OSBPL10: variants seen among roughly 807,000 people sequenced by gnomAD.
The protein encoded by OSBPL10 is oxysterol-binding protein-related protein 10.
In OSBPL10, 49 loss-of-function variants were observed where a neutral mutation model predicts 81.7. The ratio of observed to expected loss-of-function variants is 0.60; its 90% confidence interval spans 0.48 to 0.76. The LOEUF is 0.76. Among genes scored for constraint, OSBPL10 ranks in the 30% least tolerant of loss-of-function variants. OSBPL10 has a pLI of 0.00. For synonymous variants in OSBPL10, 419 were observed against 383.6 expected (o/e 1.09, Z -1.08); for missense variants, 923 against 987.8 (o/e 0.93, Z 0.88).
chr3:31,980,406 T>A (rs1206295916), intron 1 of OSBPL10, among the ~76,000 whole-genome samples: 2 of 152,158 alleles, frequency 1.3e-5, no homozygotes, highest in Non-Finnish European at 2.9e-5. Flanking sequence ...GTGGCAGGTT[T>A]TTTGTTGATG....
chr3:31,839,135 C>T (rs1700433678), intron 3 of OSBPL10, among the ~76,000 whole-genome samples: 2 of 152,146 alleles, frequency 1.3e-5, no homozygotes, highest in African/African-American at 2.4e-5. Flanking sequence ...TTTTTATCAC[C>T]GGTTAAACCA....
chr3:31,762,629 C>CTTTTTTTTTTTTTTTT (rs1491572896), intron 4 of OSBPL10, among the ~76,000 whole-genome samples: 12 of 17,214 alleles, frequency 7.0e-4, no homozygotes, highest in African/African-American at 2.9e-3. Context: ...CCATGCCCAG[C>CTTTTTTTTTTTTTTTT]ATTTTTTTTT....
In OSBPL10 at chr3:31,895,280, C is replaced by A. The variant is rs1474587366; in HGVS notation, c.282-15450G>T. Among the ~76,000 whole-genome samples, 6 of 151,436 alleles carry A rather than the reference C, an allele frequency of 4.0e-5. No homozygotes were observed. In the East Asian group the frequency reaches 5.8e-4, roughly 15 times the overall value. On this transcript the variant is annotated intron_variant, in intron 1 of 11. Coordinates refer to ENST00000396556, the MANE Select transcript of OSBPL10 (RefSeq NM_017784.5). ...CCGAGTAGCTGGGATTACAGGCACC[C>A]GTCACCACGCCCGGCTAATTTTTTT...
intron 1 of OSBPL10, among the ~76,000 whole-genome samples, chr3:31,918,190 AC>A (rs1696810690): frequency 6.6e-6 from 1 of 152,232 alleles, no homozygotes; most frequent in Non-Finnish European, 1.5e-5. Flanking sequence ...AATTCACTTA[AC>A]CTTTATGCCA....
intron 4 of OSBPL10, among the ~76,000 whole-genome samples, chr3:31,797,378 T>C (rs1699255764): frequency 1.3e-5 from 2 of 152,188 alleles, no homozygotes; most frequent in Admixed American, 6.5e-5. Context: ...AAAGGTAAGA[T>C]ACTAAACTAA....
At chr3:31,963,597 T>G (rs1698230513) in intron 1 of OSBPL10, among the ~76,000 whole-genome samples, 1 of 152,110 alleles carries the variant, frequency 6.6e-6, no homozygotes, top group Non-Finnish European at 1.5e-5. Flanking sequence ...GGCGCCTGGC[T>G]TGCTCCCTTG....
At chr3:32,075,967 A>G (rs1465760519) in intron 1 of OSBPL10, among the ~76,000 whole-genome samples, 1 of 152,128 alleles carries the variant, frequency 6.6e-6, no homozygotes, top group Non-Finnish European at 1.5e-5. Flanking sequence ...CCCACCCTTA[A>G]GAAGTTTCTT....
chr3:31,750,923 A>C (rs1697696162), intron 4 of OSBPL10, among the ~76,000 whole-genome samples: 1 of 152,208 alleles, frequency 6.6e-6, no homozygotes, highest in South Asian at 2.1e-4. Context: ...ATCTTAGATA[A>C]TAAAAACACG....
chr3:31,775,643 G>A (rs905264798), intron 4 of OSBPL10, among the ~76,000 whole-genome samples: 11 of 152,244 alleles, frequency 7.2e-5, no homozygotes, highest in Non-Finnish European at 1.2e-4. Flanking sequence ...GAGTGATGGT[G>A]ACTCACAAAC....
At chr3:31,789,103 T>TA (rs1559465681) in intron 4 of OSBPL10, among the ~76,000 whole-genome samples, 1 of 152,102 alleles carries the variant, frequency 6.6e-6, no homozygotes, top group African/African-American at 2.4e-5. Context: ...CTCAACCTCC[T>TA]AAGTCACAGC....
intron 1 of OSBPL10, among the ~76,000 whole-genome samples, chr3:32,072,656 T>C (rs1484087399): frequency 1.3e-5 from 2 of 151,990 alleles, no homozygotes; most frequent in African/African-American, 2.4e-5. Context: ...ATTCTACTAA[T>C]CCTCAGGGAT....
chr3:31,929,091 C>T (rs1243489930), intron 1 of OSBPL10, among the ~76,000 whole-genome samples: 1 of 152,152 alleles, frequency 6.6e-6, no homozygotes, highest in East Asian at 1.9e-4. Flanking sequence ...GATGGTAGGT[C>T]ATACATCATT....
chr3:32,013,387 T>C (rs965032118), intron 2 of OSBPL10, among the ~76,000 whole-genome samples: 28 of 152,180 alleles, frequency 1.8e-4, no homozygotes, highest in Admixed American at 5.9e-4. Flanking sequence ...AGATGTTCTT[T>C]GAAACCAACG....
At chr3:31,690,455 G>A (rs1695500042) in intron 7 of OSBPL10, among the ~76,000 whole-genome samples, 1 of 152,108 alleles carries the variant, frequency 6.6e-6, no homozygotes, top group Non-Finnish European at 1.5e-5. Flanking sequence ...ACTAATACAA[G>A]AGTCCATTGT....
At chr3:31,956,925 A>C (rs1337414694) in intron 1 of OSBPL10, among the ~76,000 whole-genome samples, 1 of 151,614 alleles carries the variant, frequency 6.6e-6, no homozygotes, top group African/African-American at 2.4e-5. Context: ...TTGAGTCCAG[A>C]AGTTCAAGAC....
rs758007763 is a variant in OSBPL10, at chr3:31,989,922, T to C, written n.298+56569A>G. The C allele has an allele frequency of 2.4e-5, 39 of 1,614,098 alleles. No homozygotes were observed. The South Asian group carries it at 4.0e-4, about 16-fold the overall frequency. ...TTGCATGCCATCATAGATGTCACAC[T>C]GGTGAGAAACCTTACAAGTGTAATG... On this transcript the variant is annotated intron_variant and non_coding_transcript_variant, in intron 2 of 3. Transcript: ENST00000479173.
At chr3:31,917,232 C>A (rs1317839624) in intron 1 of OSBPL10, among the ~76,000 whole-genome samples, 2 of 152,174 alleles carry the variant, frequency 1.3e-5, no homozygotes, top group Non-Finnish European at 2.9e-5. Flanking sequence ...GGGCCAAGGG[C>A]CTTGGCAAAG....
At chr3:31,984,869 A>G (rs1248590702), upstream of OSBPL10, among the ~76,000 whole-genome samples, 2 of 152,254 alleles carry the variant, frequency 1.3e-5, no homozygotes, top group Non-Finnish European at 2.9e-5. Flanking sequence ...CTTACAGGTT[A>G]GAAGCAAGAT....
intron 1 of OSBPL10, among the ~76,000 whole-genome samples, chr3:31,908,708 C>A (rs1392243964): frequency 6.6e-6 from 1 of 152,136 alleles, no homozygotes; most frequent in Non-Finnish European, 1.5e-5. Flanking sequence ...CTGTGATTCC[C>A]TGGGTTGTGT....
Sources: allele counts gnomAD v4.1 joint callset (sites outside exome capture counted in the v4.1 genomes callset), GRCh38; gene constraint gnomAD v4.1.1; transcripts MANE v1.5; gene names NCBI Gene and HGNC (gene_info 2026-07-23, HGNC 2026-07-21).